LPIN3: variants seen among roughly 807,000 people sequenced by gnomAD.
LPIN3 encodes lipin 3, also known as phosphatidate phosphatase LPIN3.
In LPIN3, 82 loss-of-function variants were observed where a neutral mutation model predicts 94.7. The observed-to-expected ratio is 0.87, with a 90% CI of 0.72 to 1.04. The LOEUF is 1.04. Ranked by LOEUF, LPIN3 falls within the 50% of genes least tolerant of loss-of-function variation. The pLI, the probability that LPIN3 is intolerant of heterozygous loss-of-function variation, is 0.00. For synonymous variants in LPIN3, 418 were observed against 443.3 expected (o/e 0.94, Z 0.72); for missense variants, 996 against 1,090.5 (o/e 0.91, Z 1.22).
chr20:41,350,056 T>G lies in LPIN3; in HGVS notation c.761T>G (p.Val254Gly). 2 of 1,590,430 alleles carry G rather than the reference T, an allele frequency of 1.3e-6. No homozygotes were observed. Among genetic ancestry groups the G allele is most frequent in the Non-Finnish European group, 1.7e-6 (2 of 1,165,604 alleles). ...MQWAWGRLPK[V>G]ARAERPESSV... ...CTTCCTCCATTTGTTCCACTAAAGG[T>G]GGCCAGAGCTGAGCGGCCCGAGTCC... The change falls in exon 7 of 20, where the codon GTG becomes GGG. Residue 254 changes from valine (V) to glycine (G), a missense_variant and splice_region_variant. By Grantham distance (109) the Val-to-Gly change is moderately radical. Transcript: ENST00000373257.
At chr20:41,352,760 C>T in intron 10 of LPIN3, 38 bp from the exon 11 acceptor site, 2 of 1,612,924 alleles carry the variant, frequency 1.2e-6, no homozygotes, top group Non-Finnish European at 1.7e-6. Flanking sequence ...CACAACCCTG[C>T]AGCTGCTGCA....
chr20:41,356,170 C>A (rs2046203253), intron 14 of LPIN3, 136 bp downstream of exon 14: 2 of 1,286,850 alleles, frequency 1.6e-6, no homozygotes, highest in Non-Finnish European at 2.1e-6. Context: ...CCCTTGGGAG[C>A]CTCCCTGATG....
Position 41,352,811 on chromosome 20 carries a change from G to A in LPIN3, c.1471G>A (p.Ala491Thr). The A allele has an allele frequency of 6.2e-7, 1 of 1,614,226 alleles. No individual in the cohort carries two copies. The highest frequency in any genetic ancestry group is 8.5e-7 in the Non-Finnish European group (1 of 1,180,038). Residue 491 changes from alanine (A) to threonine (T), a missense_variant, in exon 11 of 20, where the codon GCT (alanine) becomes ACT (threonine). By Grantham distance (58) the Ala-to-Thr change is moderately conservative. Coordinates refer to ENST00000373257, the MANE Select transcript of LPIN3 (RefSeq NM_022896.3). ...CTGTCTCTCTAGGCATTATAACTGG[G>A]CTGTGGCTGCCCCCATGATCCTCTC... Reference protein sequence around the residue: ...VKINGKHYNWAVAAPMILSLQ... With the variant: ...VKINGKHYNWTVAAPMILSLQ...
chr20:41,353,554 G>A (rs891652824), intron 11 of LPIN3, among the ~76,000 whole-genome samples: 2 of 152,204 alleles, frequency 1.3e-5, no homozygotes, highest in Non-Finnish European at 2.9e-5. Flanking sequence ...AGCTGGCCAG[G>A]GGTGGGGAAC....
At chr20:41,358,138 G>A in intron 17 of LPIN3, 99 bp from the exon 18 acceptor site, 3 of 1,583,132 alleles carry the variant, frequency 1.9e-6, no homozygotes, top group Non-Finnish European at 2.6e-6. Flanking sequence ...CAGGTGGCAA[G>A]GAGGGTGGGG....
intron 2 of LPIN3, 71 bp from the exon 3 acceptor site, chr20:41,347,481 C>G: frequency 2.7e-6 from 4 of 1,474,020 alleles, no homozygotes; most frequent in Non-Finnish European, 3.8e-6. Context: ...ACTGGAGGAC[C>G]AGCCAGGAGG....
intron 1 of LPIN3, among the ~76,000 whole-genome samples, chr20:41,344,389 T>C (rs1172791371): frequency 6.6e-6 from 1 of 152,240 alleles, no homozygotes; most frequent in East Asian, 1.9e-4. Context: ...AGAGCTTGAA[T>C]AGTTTCCTCA....
chr20:41,345,957 T>C lies in LPIN3; in HGVS notation c.154T>C (p.Phe52Leu), dbSNP rs773719321. Reference sequence around the variant, plus strand: ...CCGGTGCTCACCCTTCCACGTGCGTTTTGGCAAGCTGGGCGTCCTGCGGTC... The same window carrying C: ...CCGGTGCTCACCCTTCCACGTGCGTCTTGGCAAGCTGGGCGTCCTGCGGTC... ...SFRCSPFHVR[F>L]GKLGVLRSRE... The change falls in exon 2 of 20, where the codon TTT (phenylalanine) becomes CTT (leucine). Residue 52 changes from phenylalanine (F) to leucine (L), a missense_variant. Transcript: ENST00000373257. 1.2e-6 allele frequency: 2 copies of C among 1,613,936 alleles called. No individual in the cohort carries two copies. Among genetic ancestry groups the C allele is most frequent in the Non-Finnish European group, 1.7e-6 (2 of 1,179,962 alleles).
rs372515726 is a variant in LPIN3 at position 41,358,142 on chromosome 20, G to A, written c.2193-95G>A. On this transcript the variant is annotated intron_variant, in intron 17 of 19. Transcript: ENST00000373257. ...CATTAAGCTCTCAGGTGGCAAGGAG[G>A]GTGGGGTCAGACCCCCCATCACCTG... is the stretch of plus-strand genomic sequence containing the variant. The A allele has an allele frequency of 3.8e-6, 6 of 1,582,296 alleles. No homozygotes were observed. The African/African-American group carries it at 5.4e-5, about 14-fold the overall frequency.
chr20:41,343,989 G>A (rs1384227792), intron 1 of LPIN3, among the ~76,000 whole-genome samples: 1 of 152,140 alleles, frequency 6.6e-6, no homozygotes, highest in African/African-American at 2.4e-5. Flanking sequence ...TAGAGCCTGG[G>A]AGGTTGAGGC....
In LPIN3 at chr20:41,349,164, C is replaced by A. The variant is rs535035748; in HGVS notation, c.630C>A (p.Pro210=). 1 of 1,614,110 alleles carries A rather than the reference C, an allele frequency of 6.2e-7. No individual in the cohort carries two copies. Among genetic ancestry groups the A allele is most frequent in the Admixed American group, 1.7e-5 (1 of 60,018 alleles). Residue 210 remains proline, a synonymous_variant, in exon 5 of 20, where the codon CCC becomes CCA. Transcript: ENST00000373257. ...CCTACTCGGATGGCGAGTGGCCCCC[C>A]CAGGCCAGGTAAGAGTCCAGGTGGG... The part of the protein sequence containing the change: ...IYPYSDGEWP[P]QASLSAGELT...
At chr20:41,341,869 C>T (rs969317194) in intron 1 of LPIN3, among the ~76,000 whole-genome samples, 6 of 152,044 alleles carry the variant, frequency 3.9e-5, no homozygotes, top group South Asian at 2.1e-4. Context: ...CCCAGCTACT[C>T]GGGAGGCTGA....
intron 1 of LPIN3, among the ~76,000 whole-genome samples, chr20:41,342,464 G>A (rs1034957865): frequency 6.6e-6 from 1 of 152,206 alleles, no homozygotes; most frequent in African/African-American, 2.4e-5. Flanking sequence ...GGCTTCCTGG[G>A]AAGGTGTGAG....
In LPIN3 at chr20:41,349,759, A is replaced by G. The variant is rs752854474; in HGVS notation, c.639-15A>G. 1.9e-6 allele frequency: 3 copies of G among 1,608,012 alleles called. No individual in the cohort carries two copies. The highest frequency in any genetic ancestry group is 2.7e-5 in the African/African-American group (2 of 74,614). ...GGGTAGGCAGGCTCAAGGCCTCTCA[A>G]TATGTCTCCTGCAGCCTCTCAGCAG... is the stretch of plus-strand genomic sequence containing the variant. On this transcript the variant is annotated splice_polypyrimidine_tract_variant and intron_variant, in intron 5 of 19. Coordinates refer to ENST00000373257, the MANE Select transcript of LPIN3 (RefSeq NM_022896.3).
chr20:41,346,807 G>A (rs914503666), intron 2 of LPIN3, among the ~76,000 whole-genome samples: 1 of 152,216 alleles, frequency 6.6e-6, no homozygotes, highest in Non-Finnish European at 1.5e-5. Context: ...GCTCAGGCAA[G>A]CACAGCAGAG....
At chr20:41,356,090 A>G in intron 14 of LPIN3, 56 bp downstream of exon 14, 2 of 1,589,768 alleles carry the variant, frequency 1.3e-6, no homozygotes, top group Non-Finnish European at 1.7e-6. Flanking sequence ...ATTCTGTCTT[A>G]GAGTCCCTCA....
intron 6 of LPIN3, 77 bp downstream of exon 6, chr20:41,349,971 T>A: frequency 1.3e-6 from 2 of 1,565,190 alleles, no homozygotes; most frequent in Non-Finnish European, 1.7e-6. Flanking sequence ...TTGGAGGGAC[T>A]GAAACTCGGG....
Position 41,358,325 on chromosome 20 carries a change from T to A in LPIN3, c.2281T>A (p.Tyr761Asn), listed in dbSNP as rs1318741234. ...QLFLPHGQPF[Y>N]AAFGNRPNDV... is the part of the protein sequence containing the mutation. ...GTTTCTGCCCCACGGACAGCCCTTC[T>A]ATGCTGCCTTTGGGAATAGGCCCAA... The change falls in exon 18 of 20, where the codon TAT becomes AAT. Residue 761 changes from tyrosine (Y) to asparagine (N), a missense_variant. By Grantham distance (143) the Tyr-to-Asn change is moderately radical (BLOSUM62 -2). Coordinates refer to ENST00000373257, the MANE Select transcript of LPIN3 (RefSeq NM_022896.3). 1.9e-6 allele frequency: 3 copies of A among 1,614,172 alleles called. No homozygotes were observed. The highest frequency in any genetic ancestry group is 3.3e-5 in the Admixed American group (2 of 60,032).
chr20:41,348,637 C>T lies in LPIN3; in HGVS notation c.307C>T (p.Leu103=). 1 of 1,611,968 alleles carries T rather than the reference C, an allele frequency of 6.2e-7. No individual in the cohort carries two copies. The highest frequency in any genetic ancestry group is 8.5e-7 in the Non-Finnish European group (1 of 1,178,560). ...TCCACAGGAACATGTGCCTCCCGGC[C>T]TGTGCACCTCACCCATCCCTTGGGG... ...ESDDEHVPPG[L]CTSPIPWGGL... Residue 103 remains leucine (L), a synonymous_variant, in exon 4 of 20, where the codon CTG becomes TTG. Coordinates refer to ENST00000373257, the MANE Select transcript of LPIN3 (RefSeq NM_022896.3).
Sources: allele counts gnomAD v4.1 joint callset (sites outside exome capture counted in the v4.1 genomes callset), GRCh38; gene constraint gnomAD v4.1.1; transcripts MANE v1.5; gene names NCBI Gene and HGNC (gene_info 2026-07-23, HGNC 2026-07-21).